The following EPS8 variants were observed in gnomAD, a reference collection of about 807,000 sequenced individuals.
The protein encoded by EPS8 is EGFR pathway substrate 8, signaling adaptor, also known as epidermal growth factor receptor kinase substrate 8.
A neutral mutation model predicts 103.8 loss-of-function variants in EPS8; 42 were observed. The observed-to-expected ratio is 0.40, with a 90% CI of 0.32 to 0.52. EPS8 has a LOEUF of 0.52. EPS8 is among the 20% of genes least tolerant of loss of function. The pLI, the probability that EPS8 is intolerant of heterozygous loss-of-function variation, is 0.40. For missense variants in EPS8, 969 were observed against 1,005.1 expected, an observed-to-expected ratio of 0.96 and a Z score of 0.49; for synonymous variants, 344 against 344.6, an observed-to-expected ratio of 1.00 and a Z score of 0.02.
intron 18 of EPS8, among the ~76,000 whole-genome samples, chr12:15,630,173 C>A (rs1227449393): frequency 6.9e-6 from 1 of 145,108 alleles, no homozygotes; most frequent in African/African-American, 2.5e-5. Flanking sequence ...ATATCCATCT[C>A]TCTCTCTCTG....
At chr12:15,669,958 A>G (rs1565491183) in intron 4 of EPS8, 133 bp from the exon 5 acceptor site, 1 of 592,614 alleles carries the variant, frequency 1.7e-6, no homozygotes, top group Non-Finnish European at 2.7e-6. Context: ...AAGTACTCTT[A>G]AAACTTCATG....
At position 15,697,258 on chromosome 12, in the gene EPS8, T is replaced by C. The variant is rs537168935; in HGVS notation, c.-21-14286A>G. Among the ~76,000 whole-genome samples, 16 of 152,338 alleles carry C rather than the reference T, an allele frequency of 1.1e-4. No individual in the cohort carries two copies. The highest frequency in any genetic ancestry group is 1.9e-4 in the Non-Finnish European group (13 of 68,028). On this transcript the variant is annotated intron_variant, in intron 1 of 20. Transcript: ENST00000281172. The surrounding 1 kb of genome is among the most constrained non-coding windows in gnomAD (Gnocchi z 5.6). ...AACTCCAGCTCTTGATTAAATAAAC[T>C]GGATATCACTTACATGGCATAACTG...
chr12:15,782,709 T>C (rs1947272485), intron 1 of EPS8, among the ~76,000 whole-genome samples: 1 of 152,154 alleles, frequency 6.6e-6, no homozygotes, highest in African/African-American at 2.4e-5. Context: ...CGATACATAG[T>C]ATCATTCGCG....
rs1236369096 is a variant in EPS8, at chr12:15,650,892, T to G, written c.1365A>C (p.Gln455His). ...CTACATTTGCCACAGATTCTGCCAG[T>G]TGATAAAGATCTTGTTCCATTGTGG... Reference protein sequence around the residue: ...MGATMEQDLYQLAESVANVAE... With the variant: ...MGATMEQDLYHLAESVANVAE... The change falls in exon 14 of 21, where the codon CAA (glutamine) becomes CAC (histidine). Residue 455 changes from glutamine (Q) to histidine (H), a missense_variant. By Grantham distance (24) the Gln-to-His change is conservative. Transcript: ENST00000281172. The G allele has an allele frequency of 1.2e-6, 2 of 1,614,162 alleles. No homozygotes were observed. The highest frequency in any genetic ancestry group is 8.5e-7 in the Non-Finnish European group (1 of 1,179,978).
chr12:15,653,846 C>T (rs768803248), intron 13 of EPS8, among the ~76,000 whole-genome samples: 4 of 152,182 alleles, frequency 2.6e-5, no homozygotes, highest in Non-Finnish European at 5.9e-5. Flanking sequence ...GTGTACCTGT[C>T]GATTTTAAAT....
At position 15,623,272 on chromosome 12, in the gene EPS8, A is replaced by G. The variant is rs1183971068; in HGVS notation, c.2241T>C (p.Leu747=). 1 of 1,604,434 alleles carries G rather than the reference A, an allele frequency of 6.2e-7. No homozygotes were observed. Among genetic ancestry groups the G allele is most frequent in the Non-Finnish European group, 8.5e-7 (1 of 1,176,678 alleles). ...KGFNPVTVNS[L]GVLNGAQLFS... is the part of the protein sequence containing the mutation. ...AAAGTTGTGCACCATTTAATACTCC[A>G]AGACTATTGACAGTCCTAAAAAAAA... Residue 747 remains leucine, a synonymous_variant, in exon 20 of 21, where the codon CTT becomes CTC. Transcript: ENST00000281172.
chr12:15,740,648 T>C (rs943810490), intron 1 of EPS8, among the ~76,000 whole-genome samples: 23 of 152,068 alleles, frequency 1.5e-4, no homozygotes, highest in African/African-American at 5.3e-4. Context: ...ATGTGTCATA[T>C]AGATTTAATG....
intron 3 of EPS8, 53 bp downstream of exon 3, chr12:15,681,173 T>G (rs1945998441): frequency 1.1e-6 from 1 of 914,354 alleles, no homozygotes; most frequent in Non-Finnish European, 1.7e-6. Flanking sequence ...AAAATGTAAT[T>G]TGTAAAAAGT....
intron 1 of EPS8, chr12:15,683,355 TTA>T (rs1272340732): frequency 1.3e-5 from 2 of 154,250 alleles, no homozygotes; most frequent in African/African-American, 4.8e-5. Flanking sequence ...CTCATTTAAT[TTA>T]AAAAGTTGAG....
intron 9 of EPS8, among the ~76,000 whole-genome samples, chr12:15,660,954 A>G (rs1184961342): frequency 6.6e-6 from 1 of 152,136 alleles, no homozygotes; most frequent in Non-Finnish European, 1.5e-5. Context: ...CTCTATTTTC[A>G]ATGTCATCAA....
In EPS8 at chr12:15,662,087, C is replaced by G. The variant is rs1945615483; in HGVS notation, c.749G>C (p.Arg250Thr). The G allele has an allele frequency of 6.2e-7, 1 of 1,613,546 alleles. No individual in the cohort carries two copies. The highest frequency in any genetic ancestry group is 8.5e-7 in the Non-Finnish European group (1 of 1,179,614). ...AADQGDFEKP[R>T]QYHEQEETPE... The stretch of plus-strand genomic sequence containing the variant: ...TGTTTCTTCCTGCTCATGATACTGC[C>G]TTGGTTTCTCAACTATAGAAAGGAC... Residue 250 changes from arginine to threonine, a missense_variant, in exon 9 of 21, where the codon AGG becomes ACG. Physicochemically the swap from Arg to Thr is moderately conservative, Grantham distance 71. Transcript: ENST00000281172.
intron 1 of EPS8, among the ~76,000 whole-genome samples, chr12:15,703,847 GTTTTTTTTTT>G (rs58735135): frequency 1.6e-5 from 1 of 61,234 alleles, no homozygotes; most frequent in South Asian, 6.7e-4. Flanking sequence ...CTATGTATTT[GTTTTTTTTTT>G]TTTTTTTTTT....
chr12:15,732,789 G>A (rs1946731160), intron 1 of EPS8: 2 of 980,936 alleles, frequency 2.0e-6, no homozygotes, highest in African/African-American at 3.5e-5. Context: ...GTGGCCACAG[G>A]AGAATAAAAC....
At chr12:15,630,786 T>C (rs1195924449) in intron 18 of EPS8, among the ~76,000 whole-genome samples, 1 of 152,146 alleles carries the variant, frequency 6.6e-6, no homozygotes, top group Non-Finnish European at 1.5e-5. Context: ...GGGGTCAAAA[T>C]CAGTCAGGGG....
In EPS8 at chr12:15,717,311, G is replaced by T. The variant is rs1946543016; in HGVS notation, c.-21-34339C>A. 6.6e-6 allele frequency among the ~76,000 whole-genome samples: 1 copy of T among 152,214 alleles called. No individual in the cohort carries two copies. The highest frequency in any genetic ancestry group is 1.5e-5 in the Non-Finnish European group (1 of 68,040). Reference sequence around the variant, plus strand: ...AGAAAAAACAAAAAAAGGGAGCCAGGCACAGTGGTTCACACCTGTAATCCT... The same window carrying T: ...AGAAAAAACAAAAAAAGGGAGCCAGTCACAGTGGTTCACACCTGTAATCCT... On this transcript the variant is annotated intron_variant, in intron 1 of 20. Transcript: ENST00000281172. The surrounding 1 kb of genome is among the most constrained non-coding windows in gnomAD (Gnocchi z 4.3).
At chr12:15,763,450 T>C (rs1033370852) in intron 1 of EPS8, among the ~76,000 whole-genome samples, 1 of 152,156 alleles carries the variant, frequency 6.6e-6, no homozygotes, top group African/African-American at 2.4e-5. Context: ...ATTGCCTTAG[T>C]CTTCCAACAA....
At chr12:15,765,857 A>G (rs984800253) in intron 1 of EPS8, among the ~76,000 whole-genome samples, 16 of 134,064 alleles carry the variant, frequency 1.2e-4, no homozygotes, top group Non-Finnish European at 2.5e-4. Context: ...TCTGTCGCCC[A>G]GGCTGGAGTA....
chr12:15,704,231 G>A lies in EPS8; in HGVS notation c.-21-21259C>T, dbSNP rs765623370. 3.3e-5 allele frequency among the ~76,000 whole-genome samples: 5 copies of A among 152,072 alleles called. No homozygotes were observed. The highest frequency in any genetic ancestry group is 7.4e-5 in the Non-Finnish European group (5 of 68,014). ...TGATCCAGCAGTTCTTCTTCTGGGT[G>A]TATACCCAAAAGAACTGAAAGTAGA... On this transcript the variant is annotated intron_variant, in intron 1 of 20. Coordinates refer to ENST00000281172, the MANE Select transcript of EPS8 (RefSeq NM_004447.6). This position sits in a 1 kb window ranked among gnomAD's most constrained non-coding sequence, Gnocchi z 4.6.
chr12:15,729,054 T>C (rs545979005), intron 1 of EPS8, among the ~76,000 whole-genome samples: 6 of 152,326 alleles, frequency 3.9e-5, no homozygotes, highest in Admixed American at 3.3e-4. Context: ...TTTCCAATAC[T>C]TTACATACTT....
Sources: allele counts gnomAD v4.1 joint callset (sites outside exome capture counted in the v4.1 genomes callset), GRCh38; gene constraint gnomAD v4.1.1; non-coding constraint Gnocchi (gnomAD v3.1); transcripts MANE v1.5; gene names NCBI Gene and HGNC (gene_info 2026-07-23, HGNC 2026-07-21).